The following CPVL variants were observed in gnomAD, a reference collection of about 807,000 sequenced individuals.
CPVL encodes probable serine carboxypeptidase CPVL.
CPVL carries 51 observed loss-of-function variants against 63.7 expected under a neutral mutation model. The ratio of observed to expected loss-of-function variants is 0.80; its 90% CI spans 0.64 to 1.01. The LOEUF (loss-of-function observed/expected upper bound fraction) is 1.01, where lower values mean the gene tolerates loss of function less well. Among genes scored for constraint, CPVL ranks in the 50% least tolerant of loss-of-function variants. The pLI, the probability that CPVL is intolerant of heterozygous loss-of-function variation, is 0.00. For missense variants in CPVL, 530 were observed against 573.1 expected (o/e 0.92, Z 0.77); for synonymous variants, 195 against 206.0 (o/e 0.95, Z 0.46).
intron 2 of CPVL, among the ~76,000 whole-genome samples, chr7:29,186,223 C>G (rs1050712847): frequency 6.6e-6 from 1 of 151,752 alleles, no homozygotes; most frequent in Non-Finnish European, 1.5e-5. Context: ...TTCCCCAGAG[C>G]CTGGCCTGCC....
upstream of CPVL, among the ~76,000 whole-genome samples, chr7:29,151,504 C>T (rs1046475880): frequency 1.3e-5 from 2 of 152,190 alleles, no homozygotes; most frequent in Non-Finnish European, 2.9e-5. Flanking sequence ...CTAAGGACAG[C>T]TGAGCAAGCC....
chr7:29,013,941 A>T (rs1440327754), intron 12 of CPVL, among the ~76,000 whole-genome samples: 3 of 152,208 alleles, frequency 2.0e-5, no homozygotes, highest in African/African-American at 4.8e-5. Context: ...TGCTCCCAAG[A>T]GTTCCCTGCC....
intron 9 of CPVL, among the ~76,000 whole-genome samples, chr7:29,067,042 A>C (rs1181383784): frequency 9.9e-5 from 15 of 152,148 alleles, no homozygotes; most frequent in Admixed American, 9.8e-4. Context: ...AATGGATTGA[A>C]AGGTAGTGAG....
At chr7:29,105,499 C>A (rs1427707839) in intron 3 of CPVL, among the ~76,000 whole-genome samples, 1 of 152,162 alleles carries the variant, frequency 6.6e-6, no homozygotes, top group Non-Finnish European at 1.5e-5. Context: ...AGACTGACTG[C>A]CTTTCCTCCC....
chr7:29,177,661 T>C (rs1040808649), intron 5 of CPVL, among the ~76,000 whole-genome samples: 1 of 151,880 alleles, frequency 6.6e-6, no homozygotes, highest in African/African-American at 2.4e-5. Flanking sequence ...TCTATTAATA[T>C]CTACCTATTT....
chr7:29,029,588 G>A (rs1484749440), intron 12 of CPVL, among the ~76,000 whole-genome samples: 1 of 152,200 alleles, frequency 6.6e-6, no homozygotes, highest in Non-Finnish European at 1.5e-5. Flanking sequence ...ACTCACATGT[G>A]GGAGCGTAAA....
At chr7:29,150,218 C>T (rs979134057), upstream of CPVL, among the ~76,000 whole-genome samples, 2 of 152,270 alleles carry the variant, frequency 1.3e-5, no homozygotes, top group Admixed American at 1.3e-4. Context: ...AACCTTGCAC[C>T]TAATGACCAT....
intron 7 of CPVL, among the ~76,000 whole-genome samples, chr7:29,082,100 T>C (rs951591516): frequency 3.3e-5 from 5 of 152,166 alleles, no homozygotes; most frequent in Admixed American, 2.0e-4. Context: ...TGTGAGAAAA[T>C]TAAGAGTTTA....
At chr7:29,033,676 C>T (rs1788247643) in intron 11 of CPVL, among the ~76,000 whole-genome samples, 1 of 152,160 alleles carries the variant, frequency 6.6e-6, no homozygotes, top group Non-Finnish European at 1.5e-5. Context: ...CTTCCCTTGT[C>T]AATAGTGATT....
At chr7:29,149,045 G>C (rs17756163), upstream of CPVL, among the ~76,000 whole-genome samples, 8,139 of 152,202 alleles carry the variant, frequency 0.053, 267 homozygotes, top group Middle Eastern at 0.11. Flanking sequence ...TGGACTGTGC[G>C]ACACCAGGCG....
intron 9 of CPVL, among the ~76,000 whole-genome samples, chr7:29,071,348 G>T (rs147806591): frequency 0.013 from 1,997 of 152,220 alleles, 23 homozygotes; most frequent in Admixed American, 0.023. Context: ...TACACACTGT[G>T]GTCATTTCTC....
At chr7:29,103,750 G>T (rs1481494607) in intron 3 of CPVL, among the ~76,000 whole-genome samples, 1 of 152,150 alleles carries the variant, frequency 6.6e-6, no homozygotes, top group Non-Finnish European at 1.5e-5. Flanking sequence ...CTTGGTTAGA[G>T]AAAACAGCAA....
At chr7:29,072,025 G>T in intron 8 of CPVL, 121 bp from the exon 9 acceptor site, 2 of 1,225,840 alleles carry the variant, frequency 1.6e-6, no homozygotes, top group South Asian at 1.4e-5. Flanking sequence ...TAGCCAAGTA[G>T]GATAATTACA....
intron 11 of CPVL, among the ~76,000 whole-genome samples, chr7:29,034,110 T>TA (rs1788289094): frequency 6.6e-6 from 1 of 152,176 alleles, no homozygotes; most frequent in Non-Finnish European, 1.5e-5. Flanking sequence ...ATCCTTTTTT[T>TA]AAATTTTTTT....
intron 12 of CPVL, among the ~76,000 whole-genome samples, chr7:29,029,302 A>G (rs765616287): frequency 2.0e-5 from 3 of 152,176 alleles, no homozygotes; most frequent in Non-Finnish European, 2.9e-5. Flanking sequence ...CCACTACTTG[A>G]TATTTTTCTA....
chr7:29,175,953 G>T (rs1345992156), intron 5 of CPVL, among the ~76,000 whole-genome samples: 1 of 152,136 alleles, frequency 6.6e-6, no homozygotes, highest in East Asian at 1.9e-4. Context: ...TTGGGAGGCC[G>T]AGGCGGGAAG....
intron 11 of CPVL, among the ~76,000 whole-genome samples, chr7:29,062,822 G>A (rs1040841306): frequency 6.6e-6 from 1 of 152,204 alleles, no homozygotes. Flanking sequence ...AGTATCTTGA[G>A]GAGAGGATGC....
intron 5 of CPVL, among the ~76,000 whole-genome samples, chr7:29,174,866 A>C (rs1477448647): frequency 6.6e-6 from 1 of 152,138 alleles, no homozygotes; most frequent in Non-Finnish European, 1.5e-5. Context: ...CATCTAAAAA[A>C]AAAAAAAAAA....
chr7:29,183,097 T>G (rs1798261683), intron 4 of CPVL, among the ~76,000 whole-genome samples: 1 of 151,836 alleles, frequency 6.6e-6, no homozygotes, highest in African/African-American at 2.4e-5. Context: ...TTTTTTTTTT[T>G]TTTTGAAACG....
Sources: gnomAD v4.1 joint callset for allele counts (sites outside exome capture counted in the v4.1 genomes callset) on GRCh38, gnomAD v4.1.1 for gene constraint, MANE v1.5 for transcripts, NCBI Gene and HGNC (gene_info 2026-07-23, HGNC 2026-07-21) for gene names.